MRPL1: variants seen among roughly 807,000 people sequenced by gnomAD.
MRPL1 encodes the protein mitochondrial ribosomal protein L1.
In MRPL1, 28 loss-of-function variants were observed where a neutral mutation model predicts 38.0. The observed-to-expected ratio is 0.74, with a 90% CI of 0.55 to 1.01. The LOEUF is 1.01. MRPL1 is among the 50% of genes least tolerant of loss of function. The pLI, the probability that MRPL1 is intolerant of heterozygous loss-of-function variation, is 0.00. For missense variants in MRPL1, 358 were observed against 389.8 expected, an observed-to-expected ratio of 0.92 and a Z score of 0.69; for synonymous variants, 123 against 126.7, an observed-to-expected ratio of 0.97 and a Z score of 0.20.
chr4:77,919,055 A>G (rs1164514489), intron 7 of MRPL1, among the ~76,000 whole-genome samples: 1 of 152,224 alleles, frequency 6.6e-6, no homozygotes, highest in Non-Finnish European at 1.5e-5. Context: ...TCTATTTATT[A>G]TAAAAATATT....
At chr4:77,929,488 T>G (rs1221067404) in intron 7 of MRPL1, among the ~76,000 whole-genome samples, 1 of 152,106 alleles carries the variant, frequency 6.6e-6, no homozygotes, top group Non-Finnish European at 1.5e-5. Flanking sequence ...TATGAATTAT[T>G]AAATATAAAT....
intron 7 of MRPL1, among the ~76,000 whole-genome samples, chr4:77,938,215 A>G (rs568018486): frequency 3.3e-5 from 5 of 152,344 alleles, no homozygotes; most frequent in East Asian, 3.9e-4. Flanking sequence ...AACAGCAGAA[A>G]TGGAAGAATT....
chr4:77,916,340 A>C (rs1039986232), intron 7 of MRPL1, among the ~76,000 whole-genome samples: 12 of 152,186 alleles, frequency 7.9e-5, no homozygotes, highest in Non-Finnish European at 1.8e-4. Context: ...GAAACACTAG[A>C]ACCCATTTCC....
chr4:77,904,942 T>C (rs1736119557), intron 6 of MRPL1, among the ~76,000 whole-genome samples: 1 of 152,132 alleles, frequency 6.6e-6, no homozygotes, highest in Non-Finnish European at 1.5e-5. Flanking sequence ...ATTAAATAAA[T>C]ATTTCTTAGG....
At chr4:77,932,070 G>A (rs1020347239) in intron 7 of MRPL1, among the ~76,000 whole-genome samples, 24 of 152,266 alleles carry the variant, frequency 1.6e-4, no homozygotes, top group African/African-American at 5.3e-4. Context: ...AGCACATTCA[G>A]TGATACAGAA....
intron 7 of MRPL1, among the ~76,000 whole-genome samples, chr4:77,934,985 A>G (rs561107821): frequency 1.3e-5 from 2 of 152,228 alleles, no homozygotes; most frequent in Non-Finnish European, 1.5e-5. Flanking sequence ...TGAAATTCGT[A>G]GAGATAGAAA....
At chr4:77,902,751 A>G (rs988320803) in intron 6 of MRPL1, among the ~76,000 whole-genome samples, 15 of 152,204 alleles carry the variant, frequency 9.9e-5, no homozygotes, top group African/African-American at 3.4e-4. Context: ...AATAAATGTG[A>G]CAATTTACAT....
intron 2 of MRPL1, among the ~76,000 whole-genome samples, chr4:77,879,791 A>T (rs1735494894): frequency 6.6e-6 from 1 of 152,126 alleles, no homozygotes; most frequent in Non-Finnish European, 1.5e-5. Flanking sequence ...AGCTGTTGAG[A>T]TGTGTTGTAT....
intron 7 of MRPL1, among the ~76,000 whole-genome samples, chr4:77,918,342 G>A (rs187383988): frequency 5.2e-4 from 79 of 152,126 alleles, no homozygotes; most frequent in African/African-American, 1.8e-3. Context: ...TTGGTTTTCA[G>A]CTCAGGGCTT....
intron 7 of MRPL1, among the ~76,000 whole-genome samples, chr4:77,942,567 A>G (rs1218509749): frequency 6.6e-6 from 1 of 152,162 alleles, no homozygotes; most frequent in African/African-American, 2.4e-5. Flanking sequence ...ATATATATTT[A>G]GGATTGTGAT....
intron 7 of MRPL1, among the ~76,000 whole-genome samples, chr4:77,937,124 CAA>C (rs201893355): frequency 7.0e-6 from 1 of 142,176 alleles, no homozygotes; most frequent in African/African-American, 2.6e-5. Flanking sequence ...AATGCTGTCT[CAA>C]AAAAAAAAAG....
chr4:77,876,263 A>G (rs1243705266), intron 2 of MRPL1, among the ~76,000 whole-genome samples: 1 of 152,118 alleles, frequency 6.6e-6, no homozygotes, highest in East Asian at 1.9e-4. Context: ...GTGAGCCACC[A>G]TGCCCAGCCT....
intron 6 of MRPL1, among the ~76,000 whole-genome samples, chr4:77,900,718 C>T (rs1311462860): frequency 6.6e-6 from 1 of 152,164 alleles, no homozygotes; most frequent in Non-Finnish European, 1.5e-5. Context: ...TAGATTTTAT[C>T]CTCTTTGCAA....
rs866422788 is a variant in MRPL1 at position 77,952,435 on chromosome 4, A to T, written c.860-54A>T. 25 of 1,212,172 alleles carry T rather than the reference A, an allele frequency of 2.1e-5. No homozygotes were observed. The Middle Eastern group carries it at 2.6e-3, about 128-fold the overall frequency. The allele number at this position is 1,212,172 out of a possible 1,614,324, so 75.1% of individuals were successfully genotyped here. A position where few individuals can be genotyped will look rare whatever the true frequency, so the allele number is the denominator to read the frequency against. On this transcript the variant is annotated intron_variant, in intron 8 of 8. Transcript: ENST00000315567. ...AAGTGAGGACCTACTTTATTTGCTCATGAGGTGGTATTGCGATATAAAAAT... is the reference window on the plus strand; with the variant it reads ...AAGTGAGGACCTACTTTATTTGCTCTTGAGGTGGTATTGCGATATAAAAAT...
At chr4:77,947,631 T>A (rs974046431) in intron 7 of MRPL1, among the ~76,000 whole-genome samples, 1 of 152,212 alleles carries the variant, frequency 6.6e-6, no homozygotes, top group Non-Finnish European at 1.5e-5. Flanking sequence ...ACCTTGCAAG[T>A]TTGCTTTCCT....
intron 7 of MRPL1, among the ~76,000 whole-genome samples, chr4:77,943,976 T>C (rs927237620): frequency 6.6e-6 from 1 of 152,196 alleles, no homozygotes; most frequent in African/African-American, 2.4e-5. Context: ...TTTGTTATAT[T>C]ATCACAATTG....
At chr4:77,889,267 T>G (rs554184067) in intron 5 of MRPL1, among the ~76,000 whole-genome samples, 1 of 152,238 alleles carries the variant, frequency 6.6e-6, no homozygotes, top group East Asian at 1.9e-4. Context: ...AGAACAGAAA[T>G]TATAACAAAC....
chr4:77,887,368 G>A, intron 5 of MRPL1, 77 bp downstream of exon 5: 2 of 1,152,180 alleles, frequency 1.7e-6, no homozygotes, highest in Non-Finnish European at 2.6e-6. Flanking sequence ...TGTTATATGT[G>A]GAACACTAGT....
chr4:77,931,163 A>G (rs1298624566), intron 7 of MRPL1, among the ~76,000 whole-genome samples: 1 of 152,224 alleles, frequency 6.6e-6, no homozygotes, highest in Non-Finnish European at 1.5e-5. Context: ...CTTACCCTTC[A>G]TTAAAAGGCA....
Sources: allele counts gnomAD v4.1 joint callset (sites outside exome capture counted in the v4.1 genomes callset), GRCh38; gene constraint gnomAD v4.1.1; transcripts MANE v1.5; gene names NCBI Gene and HGNC (gene_info 2026-07-23, HGNC 2026-07-21).